CCDC47: variants seen among roughly 807,000 people sequenced by gnomAD.
CCDC47 encodes PAT complex subunit CCDC47.
Under a neutral mutation model 60.5 loss-of-function variants are expected in CCDC47, and 41 were observed. The ratio of observed to expected loss-of-function variants is 0.68; its 90% CI spans 0.53 to 0.88. CCDC47 has a LOEUF of 0.88. Ranked by LOEUF, CCDC47 falls within the 40% of genes least tolerant of loss-of-function variation. The probability of loss-of-function intolerance (pLI) is 0.00; values close to 1 mark genes in which losing one functional copy is unlikely to be tolerated. For synonymous variants in CCDC47, 195 were observed against 190.7 expected (o/e 1.02, Z -0.18); for missense variants, 513 against 580.9 (o/e 0.88, Z 1.20).
At position 63,764,726 on chromosome 17, in the gene CCDC47, T is replaced by C; in HGVS notation, c.372+14A>G. ...TTGTTGTTTAGTTGGGAATTCAGAA[T>C]CCTGGATACCTACATCAACAATCGT... On this transcript the variant is annotated intron_variant, in intron 3 of 12. Transcript: ENST00000225726. 1.2e-6 allele frequency: 2 copies of C among 1,602,852 alleles called. No individual in the cohort carries two copies. Among genetic ancestry groups the C allele is most frequent in the Non-Finnish European group, 1.7e-6 (2 of 1,174,508 alleles).
chr17:63,759,920 T>C (rs1280300141), intron 6 of CCDC47, among the ~76,000 whole-genome samples: 1 of 151,340 alleles, frequency 6.6e-6, no homozygotes, highest in Non-Finnish European at 1.5e-5. Context: ...AAAAATTGGC[T>C]GGGAGTGGTG....
At chr17:63,771,160 C>A (rs2039338694) in intron 1 of CCDC47, among the ~76,000 whole-genome samples, 1 of 151,792 alleles carries the variant, frequency 6.6e-6, no homozygotes, top group African/African-American at 2.4e-5. Flanking sequence ...GTAGGCCCTA[C>A]CCATGGGTTC....
At chr17:63,759,528 T>A (rs2039236783) in intron 6 of CCDC47, among the ~76,000 whole-genome samples, 1 of 706 alleles carries the variant, frequency 1.4e-3, no homozygotes, top group Non-Finnish European at 2.4e-3. Flanking sequence ...TATATATATT[T>A]ATATATATAT....
chr17:63,757,155 G>A (rs2039213453), intron 6 of CCDC47, among the ~76,000 whole-genome samples: 1 of 145,020 alleles, frequency 6.9e-6, no homozygotes, highest in African/African-American at 2.6e-5. Context: ...GAGCCCAGGA[G>A]TTCAAGACCA....
chr17:63,766,863 G>A (rs548717360), intron 1 of CCDC47: 1 of 979,702 alleles, frequency 1.0e-6, no homozygotes, highest in African/African-American at 1.7e-5. Flanking sequence ...GGAATAAGAT[G>A]TAGCTATTTA....
chr17:63,767,171 A>G (rs547796880), intron 1 of CCDC47: 1 of 152,894 alleles, frequency 6.5e-6, no homozygotes, highest in South Asian at 2.1e-4. Context: ...TTTTGCCTCC[A>G]GAGTCCATGC....
chr17:63,763,983 G>T (rs1482372370), intron 4 of CCDC47, 33 bp downstream of exon 4: 1 of 1,539,526 alleles, frequency 6.5e-7, no homozygotes, highest in Non-Finnish European at 8.7e-7. Context: ...TTGTTTTCAA[G>T]CAAGAAGCTG....
At chr17:63,752,837 G>C in intron 9 of CCDC47, 38 bp from the exon 10 acceptor site, 1 of 1,598,802 alleles carries the variant, frequency 6.3e-7, no homozygotes, top group Non-Finnish European at 8.5e-7. Flanking sequence ...AGGAATACAA[G>C]AAAGATGTTT....
At chr17:63,754,997 G>A (rs1256893348) in intron 8 of CCDC47, among the ~76,000 whole-genome samples, 2 of 151,990 alleles carry the variant, frequency 1.3e-5, no homozygotes, top group Non-Finnish European at 2.9e-5. Context: ...TTGTGACAAG[G>A]TGTTGCTCTC....
chr17:63,756,632 C>T, intron 6 of CCDC47, 62 bp from the exon 7 acceptor site: 1 of 1,120,588 alleles, frequency 8.9e-7, no homozygotes, highest in Non-Finnish European at 1.3e-6. Context: ...AGGCAGATTT[C>T]TAAATGACCC....
At chr17:63,769,059 G>A (rs920835670) in intron 1 of CCDC47, among the ~76,000 whole-genome samples, 2 of 151,148 alleles carry the variant, frequency 1.3e-5, no homozygotes, top group Non-Finnish European at 2.9e-5. Flanking sequence ...ACTCTAGCCC[G>A]GGTGACACAG....
chr17:63,764,153 T>C lies in CCDC47; in HGVS notation c.410A>G (p.Tyr137Cys), dbSNP rs2039280826. Residue 137 changes from tyrosine to cysteine, a missense_variant, in exon 4 of 13, where the codon TAT (tyrosine) becomes TGT (cysteine). Physicochemically the swap from Tyr to Cys is radical, Grantham distance 194. Transcript: ENST00000225726. ...AHLQNSWESYYLEILMVTGLL... is the reference protein window; with the variant it reads ...AHLQNSWESYCLEILMVTGLL... The stretch of plus-strand genomic sequence containing the variant: ...ACCAGTCACCATCAAAATTTCTAGA[T>C]AATAACTCTCCCAGCTGTTCTGGAG... The C allele has an allele frequency of 6.2e-7, 1 of 1,611,732 alleles. No individual in the cohort carries two copies. Among genetic ancestry groups the C allele is most frequent in the African/African-American group, 1.3e-5 (1 of 74,948 alleles).
At chr17:63,755,815 G>A (rs2039201278) in intron 8 of CCDC47, among the ~76,000 whole-genome samples, 1 of 150,368 alleles carries the variant, frequency 6.7e-6, no homozygotes, top group Non-Finnish European at 1.5e-5. Flanking sequence ...TCACACACAT[G>A]AATAGCCACT....
chr17:63,770,269 G>A (rs1470264404), intron 1 of CCDC47, among the ~76,000 whole-genome samples: 8 of 152,018 alleles, frequency 5.3e-5, no homozygotes, highest in Middle Eastern at 3.4e-3. Flanking sequence ...CACCGTGCCC[G>A]GACTAATTTT....
chr17:63,766,900 A>G, intron 1 of CCDC47: 1 of 982,970 alleles, frequency 1.0e-6, no homozygotes, highest in Non-Finnish European at 1.2e-6. Context: ...AGAATAATCC[A>G]TGAATAAAAA....
chr17:63,756,616 T>A, intron 6 of CCDC47, 46 bp from the exon 7 acceptor site: 1 of 1,315,924 alleles, frequency 7.6e-7, no homozygotes, highest in South Asian at 1.2e-5. Flanking sequence ...TGTTAGGTTC[T>A]GTGATAGGCA....
chr17:63,768,816 G>A (rs891012113), intron 1 of CCDC47, among the ~76,000 whole-genome samples: 2 of 152,004 alleles, frequency 1.3e-5, no homozygotes, highest in Non-Finnish European at 2.9e-5. Context: ...CAAGTCTCAC[G>A]CTCATTCCTG....
chr17:63,748,728 G>A (rs1158003652), intron 12 of CCDC47, among the ~76,000 whole-genome samples: 3 of 152,138 alleles, frequency 2.0e-5, no homozygotes, highest in East Asian at 1.9e-4. Context: ...TCAGGAGTTC[G>A]AGACCAGCCT....
At chr17:63,758,341 T>C (rs902521318) in intron 6 of CCDC47, among the ~76,000 whole-genome samples, 5 of 152,088 alleles carry the variant, frequency 3.3e-5, no homozygotes, top group Non-Finnish European at 4.4e-5. Flanking sequence ...AGCCCTTTAA[T>C]CTGTAGGATT....
Sources: allele counts gnomAD v4.1 joint callset (sites outside exome capture counted in the v4.1 genomes callset), GRCh38; gene constraint gnomAD v4.1.1; transcripts MANE v1.5; gene names NCBI Gene and HGNC (gene_info 2026-07-23, HGNC 2026-07-21).